RPRD1B: variants seen among roughly 807,000 people sequenced by gnomAD.
RPRD1B encodes regulation of nuclear pre-mRNA domain containing 1B.
RPRD1B carries 11 observed loss-of-function variants against 41.5 expected under a neutral mutation model. That is an observed-to-expected ratio of 0.27 (90% CI 0.17 to 0.44). RPRD1B has a LOEUF of 0.44. RPRD1B is among the 20% of genes least tolerant of loss of function. The pLI is 1.00. For synonymous variants in RPRD1B, 158 were observed against 155.6 expected, an observed-to-expected ratio of 1.02 and a Z score of -0.12; for missense variants, 248 against 389.9, an observed-to-expected ratio of 0.64 and a Z score of 3.06.
chr20:38,061,388 C>G (rs2074295795), intron 5 of RPRD1B, among the ~76,000 whole-genome samples: 1 of 152,172 alleles, frequency 6.6e-6, no homozygotes, highest in African/African-American at 2.4e-5. Context: ...GAAAAACTAA[C>G]ATGTCTGAGT....
Position 38,066,203 on chromosome 20 carries a change from G to C in RPRD1B, c.778G>C (p.Glu260Gln). Reference sequence around the variant, plus strand: ...TCGCCAGCTGGCTCGGATGTTGGTGGAGTATACCCAGAATCAGAAAGATGT... The same window carrying C: ...TCGCCAGCTGGCTCGGATGTTGGTGCAGTATACCCAGAATCAGAAAGATGT... ...DRRQLARMLV[E>Q]YTQNQKDVLS... Residue 260 changes from glutamate (E) to glutamine (Q), a missense_variant, in exon 6 of 7, where the codon GAG becomes CAG. Physicochemically the swap from Glu to Gln is conservative, Grantham distance 29 (BLOSUM62 2). This residue lies in a region of RPRD1B where 93 missense variants were observed against 167.2 expected (regional missense o/e 0.56). Coordinates refer to ENST00000373433, the MANE Select transcript of RPRD1B (RefSeq NM_021215.4). 3 of 1,614,228 alleles carry C rather than the reference G, an allele frequency of 1.9e-6. No individual in the cohort carries two copies. Among genetic ancestry groups the C allele is most frequent in the Non-Finnish European group, 2.5e-6 (3 of 1,180,040 alleles).
chr20:38,065,335 A>T (rs1026132112), intron 5 of RPRD1B, among the ~76,000 whole-genome samples: 9 of 152,140 alleles, frequency 5.9e-5, no homozygotes, highest in African/African-American at 2.2e-4. Context: ...CCCAATAAAT[A>T]AGTGCATGCT....
At chr20:38,045,065 T>C (rs1393140792) in intron 2 of RPRD1B, among the ~76,000 whole-genome samples, 1 of 152,222 alleles carries the variant, frequency 6.6e-6, no homozygotes, top group Admixed American at 6.5e-5. Context: ...TTTGTGTGTA[T>C]CATATACATT....
At chr20:38,078,457 ACCCCACCCCAACC>A (rs1011406516) in intron 6 of RPRD1B, among the ~76,000 whole-genome samples, 35 of 151,888 alleles carry the variant, frequency 2.3e-4, no homozygotes, top group African/African-American at 7.7e-4. Context: ...CTTTCCTCAG[ACCCCACCCCAACC>A]CCCCAGCCCC....
At chr20:38,073,905 G>A (rs983320542) in intron 6 of RPRD1B, among the ~76,000 whole-genome samples, 5 of 152,198 alleles carry the variant, frequency 3.3e-5, no homozygotes, top group African/African-American at 1.2e-4. Context: ...GAGAGGCCCT[G>A]CCTAGTGCCG....
At chr20:38,059,651 G>T in intron 5 of RPRD1B, 131 bp downstream of exon 5, 1 of 838,888 alleles carries the variant, frequency 1.2e-6, no homozygotes, top group Non-Finnish European at 1.7e-6. Flanking sequence ...TACCATCTTG[G>T]GATTTGCAAA....
chr20:38,043,362 C>T (rs1264490057), intron 2 of RPRD1B, among the ~76,000 whole-genome samples: 1 of 152,092 alleles, frequency 6.6e-6, no homozygotes, highest in Admixed American at 6.5e-5. Context: ...CAGATGAGGT[C>T]CGAGAGGTGG....
intron 3 of RPRD1B, among the ~76,000 whole-genome samples, chr20:38,051,870 G>A (rs2074188329): frequency 6.6e-6 from 1 of 152,198 alleles, no homozygotes; most frequent in Admixed American, 6.5e-5. Context: ...TCCTGCCTCA[G>A]CCTTCCAAGT....
At chr20:38,075,557 T>A (rs887460435) in intron 6 of RPRD1B, among the ~76,000 whole-genome samples, 5 of 152,246 alleles carry the variant, frequency 3.3e-5, no homozygotes, top group African/African-American at 1.2e-4. Context: ...TTAGTCTTTA[T>A]GAATGTTCTT....
At chr20:38,063,250 C>T (rs1408504957) in intron 5 of RPRD1B, among the ~76,000 whole-genome samples, 7 of 152,268 alleles carry the variant, frequency 4.6e-5, no homozygotes, top group East Asian at 3.9e-4. Context: ...TTGATCCCCC[C>T]CACCTTCCAG....
In RPRD1B at chr20:38,040,441, C is replaced by G. The variant is rs1228904911; in HGVS notation, c.158C>G (p.Ser53Ter). 1 of 1,577,284 alleles carries G rather than the reference C, an allele frequency of 6.3e-7. No individual in the cohort carries two copies. The highest frequency in any genetic ancestry group is 2.0e-5 in the Admixed American group (1 of 50,542). ...VWHRELRKAK[S>*]NRKLTFLYLA... The stretch of plus-strand genomic sequence containing the variant: ...TTTCTTTTCTTTTTTTCAGCCAAAT[C>G]AAATAGAAAGCTTACTTTTCTGTAT... The change falls in exon 2 of 7, where the codon TCA (serine) becomes TGA (stop). Residue 53 changes from serine to a stop codon, truncating the protein, a stop_gained. Transcript: ENST00000373433. LOFTEE classifies it high-confidence loss of function.
At chr20:38,039,983 C>T (rs1019460499) in intron 1 of RPRD1B, among the ~76,000 whole-genome samples, 1 of 152,278 alleles carries the variant, frequency 6.6e-6, no homozygotes, top group Admixed American at 6.5e-5. Flanking sequence ...ATCCACCCAC[C>T]TCGTCCTCCC....
chr20:38,070,234 A>G, intron 6 of RPRD1B: 5 of 985,218 alleles, frequency 5.1e-6, no homozygotes, highest in Non-Finnish European at 6.0e-6. Context: ...GGGTGTCATG[A>G]TTGACTTTGG....
At chr20:38,064,332 C>T (rs866487788) in intron 5 of RPRD1B, among the ~76,000 whole-genome samples, 3 of 152,180 alleles carry the variant, frequency 2.0e-5, no homozygotes, top group Admixed American at 6.5e-5. Context: ...AAGAAGGCAT[C>T]GAAAAGCCAG....
rs747650198 is a variant in RPRD1B, at chr20:38,057,610, A to G, written c.494A>G (p.Tyr165Cys). The G allele has an allele frequency of 1.9e-6, 3 of 1,613,860 alleles. No individual in the cohort carries two copies. Among genetic ancestry groups the G allele is most frequent in the African/African-American group, 1.3e-5 (1 of 74,980 alleles). ...GAGGATGACGACTACCCTGGCAGCT[A>G]CTCTCCTCAGGATCCTTCTGCAGGA... ...EEEDDDYPGS[Y>C]SPQDPSAGPL... Residue 165 changes from tyrosine (Y) to cysteine (C), a missense_variant, in exon 4 of 7, where the codon TAC becomes TGC. Transcript: ENST00000373433.
At chr20:38,055,681 C>A (rs2074233086) in intron 3 of RPRD1B, among the ~76,000 whole-genome samples, 1 of 152,118 alleles carries the variant, frequency 6.6e-6, no homozygotes, top group Non-Finnish European at 1.5e-5. Flanking sequence ...TTCTTTGTTC[C>A]ACATTTGTCT....
chr20:38,049,794 T>G (rs1364312348), intron 3 of RPRD1B: 2 of 471,106 alleles, frequency 4.2e-6, no homozygotes, highest in South Asian at 3.1e-5. Context: ...CATACATGTT[T>G]CCTGGAGGAT....
At chr20:38,063,681 G>A (rs1600417129) in intron 5 of RPRD1B, among the ~76,000 whole-genome samples, 1 of 152,208 alleles carries the variant, frequency 6.6e-6, no homozygotes, top group Middle Eastern at 3.4e-3. Context: ...AGAAGACATG[G>A]GACGGCTGCA....
intron 6 of RPRD1B, among the ~76,000 whole-genome samples, chr20:38,068,816 A>G (rs1443548514): frequency 6.6e-6 from 1 of 152,186 alleles, no homozygotes; most frequent in African/African-American, 2.4e-5. Context: ...TGATAAATGT[A>G]TGCCCCTTGA....
Sources: gnomAD v4.1 joint callset for allele counts (sites outside exome capture counted in the v4.1 genomes callset) on GRCh38, gnomAD v4.1.1 for gene constraint, gnomAD v4.1.1 regional missense constraint, MANE v1.5 for transcripts, NCBI Gene and HGNC (gene_info 2026-07-23, HGNC 2026-07-21) for gene names.